LCOR: variants seen among roughly 807,000 people sequenced by gnomAD.
The protein encoded by LCOR is ligand dependent nuclear receptor corepressor.
A neutral mutation model predicts 64.4 loss-of-function variants in LCOR; 14 were observed. The observed-to-expected ratio is 0.22, with a 90% CI of 0.14 to 0.34. The LOEUF (loss-of-function observed/expected upper bound fraction) is 0.34. Among genes scored for constraint, LCOR ranks in the 10% least tolerant of loss-of-function variants. The pLI is 1.00. For synonymous variants in LCOR, 643 were observed against 642.5 expected, an observed-to-expected ratio of 1.00 and a Z score of -0.01; for missense variants, 1,686 against 1,765.3, an observed-to-expected ratio of 0.96 and a Z score of 0.80.
At chr10:96,869,992 A>G (rs1846044790) in intron 2 of LCOR, among the ~76,000 whole-genome samples, 1 of 152,200 alleles carries the variant, frequency 6.6e-6, no homozygotes, top group African/African-American at 2.4e-5. Flanking sequence ...GATGGGGCTC[A>G]TAGGCAGGGT....
chr10:96,868,771 T>C (rs1217369032), intron 2 of LCOR, among the ~76,000 whole-genome samples: 6 of 152,218 alleles, frequency 3.9e-5, no homozygotes, highest in Non-Finnish European at 8.8e-5. Context: ...TTATTGTCCA[T>C]CTCCTCCAAG....
chr10:96,943,388 C>CGT, intron 4 of LCOR, among the ~76,000 whole-genome samples: 1 of 152,340 alleles, frequency 6.6e-6, no homozygotes, highest in African/African-American at 2.4e-5. Context: ...TGAGCCACCT[C>CGT]GCCTGGTCAG....
intron 2 of LCOR, among the ~76,000 whole-genome samples, chr10:96,862,887 T>TC (rs1156532647): frequency 6.6e-6 from 1 of 151,820 alleles, no homozygotes; most frequent in Non-Finnish European, 1.5e-5. Context: ...TCTTTTCTTT[T>TC]TTTTTTTTTT....
intron 2 of LCOR, among the ~76,000 whole-genome samples, chr10:96,903,470 A>G (rs1047715234): frequency 2.6e-5 from 4 of 152,042 alleles, no homozygotes; most frequent in Admixed American, 2.6e-4. Context: ...TACAAGATCC[A>G]GGGGCCTTGA....
At chr10:96,942,249 G>A (rs1167378382) in intron 4 of LCOR, among the ~76,000 whole-genome samples, 66 of 150,736 alleles carry the variant, frequency 4.4e-4, no homozygotes, top group African/African-American at 1.5e-3. Context: ...AGACCAGCCC[G>A]GCCAACACAG....
chr10:96,900,111 T>C (rs1439750081), intron 2 of LCOR, among the ~76,000 whole-genome samples: 3 of 152,176 alleles, frequency 2.0e-5, no homozygotes, highest in African/African-American at 7.2e-5. Context: ...AGGAAACCAC[T>C]AATGTACTTT....
At chr10:96,867,684 C>T (rs1485866094) in intron 2 of LCOR, among the ~76,000 whole-genome samples, 1 of 151,886 alleles carries the variant, frequency 6.6e-6, no homozygotes, top group Non-Finnish European at 1.5e-5. Context: ...ATGACTTGAG[C>T]CCAGGAGTTC....
intron 2 of LCOR, among the ~76,000 whole-genome samples, chr10:96,866,896 G>GT (rs1376508464): frequency 3.3e-5 from 5 of 152,050 alleles, no homozygotes; most frequent in Admixed American, 2.6e-4. Flanking sequence ...CTTGAAAGAG[G>GT]TTGTGCCACC....
chr10:96,966,246 T>TTTTA (rs1847949530), intron 7 of LCOR, among the ~76,000 whole-genome samples: 1 of 138,456 alleles, frequency 7.2e-6, no homozygotes, highest in Non-Finnish European at 1.5e-5. Flanking sequence ...TTTTTTTTTT[T>TTTTA]GAGACGGAGT....
intron 2 of LCOR, among the ~76,000 whole-genome samples, chr10:96,838,887 T>C (rs1230177217): frequency 6.6e-6 from 1 of 152,246 alleles, no homozygotes; most frequent in Non-Finnish European, 1.5e-5. Context: ...TTTAATTTCG[T>C]AGGAACTGCC....
At chr10:96,874,553 A>C (rs1432921460) in intron 2 of LCOR, among the ~76,000 whole-genome samples, 1 of 152,182 alleles carries the variant, frequency 6.6e-6, no homozygotes, top group Non-Finnish European at 1.5e-5. Context: ...AACTCCTGGT[A>C]ATTCTGCAAA....
rs190645443 is a variant in LCOR, at chr10:96,992,149, A to G, written c.*7015A>G. On this transcript the variant is annotated 3_prime_UTR_variant, in exon 8 of 8. Coordinates refer to ENST00000421806, the MANE Select transcript of LCOR (RefSeq NM_001346516.2). ...GGTAGGGATTATTTTTAGAGTCACT[A>G]TAGCTTAAGGTTATTGATTTCACTA... The G allele has an allele frequency of 3.9e-5, 6 of 152,300 alleles. No individual in the cohort carries two copies. The East Asian group carries it at 7.7e-4, about 20-fold the overall frequency. 9.4% of individuals were successfully genotyped at this position (152,300 alleles called of 1,614,324 possible).
rs1287204644 is a variant in LCOR at position 96,991,182 on chromosome 10, AC to A, written c.*6049del. The A allele has an allele frequency of 6.6e-6, 1 of 152,242 alleles. No individual in the cohort carries two copies. Among genetic ancestry groups the A allele is most frequent in the East Asian group, 1.9e-4 (1 of 5,180 alleles). The allele number at this position is 152,242 out of a possible 1,614,324, so 9.4% of individuals were successfully genotyped here. Reference sequence around the variant, plus strand: ...CAACTTTTTTTTTTCATATGCTCCAACATTTTTTTCATACAGTCCAGCAATT... The same window carrying A: ...CAACTTTTTTTTTTCATATGCTCCAAATTTTTTTCATACAGTCCAGCAATT... On this transcript the variant is annotated 3_prime_UTR_variant, in exon 8 of 8. Transcript: ENST00000421806.
At chr10:96,896,803 C>G (rs117079803) in intron 2 of LCOR, among the ~76,000 whole-genome samples, 1,708 of 152,164 alleles carry the variant, frequency 0.011, 8 homozygotes, top group Non-Finnish European at 0.018. Flanking sequence ...TAGTATAAAG[C>G]TCCCGCAAGC....
chr10:96,861,590 G>C (rs918153321), intron 2 of LCOR, among the ~76,000 whole-genome samples: 10 of 151,852 alleles, frequency 6.6e-5, no homozygotes, highest in Admixed American at 1.3e-4. Context: ...CTGTCACCCA[G>C]GCTGGAGTTC....
At chr10:96,863,535 C>T (rs1165950800) in intron 2 of LCOR, among the ~76,000 whole-genome samples, 1 of 152,136 alleles carries the variant, frequency 6.6e-6, no homozygotes, top group Non-Finnish European at 1.5e-5. Context: ...TTTTCACATT[C>T]AGAATTCATT....
chr10:96,966,506 G>A (rs1847952842), intron 7 of LCOR, among the ~76,000 whole-genome samples: 1 of 152,090 alleles, frequency 6.6e-6, no homozygotes, highest in Admixed American at 6.5e-5. Flanking sequence ...AGGATTACAG[G>A]CGTGAGCCAC....
At position 96,995,594 on chromosome 10, in the gene LCOR, A is replaced by T. The variant is rs1848235825; in HGVS notation, c.*10460A>T. ...TTTGAGAGTGTATATATAAAATTTT[A>T]AAATATATTAAGTTGCTTTAAAACA... On this transcript the variant is annotated 3_prime_UTR_variant, in exon 8 of 8. Coordinates refer to ENST00000421806, the MANE Select transcript of LCOR (RefSeq NM_001346516.2). The surrounding 1 kb of genome is among the most constrained non-coding windows in gnomAD (Gnocchi z 4.2). The T allele has an allele frequency of 6.6e-6, 1 of 152,248 alleles. No individual in the cohort carries two copies. The highest frequency in any genetic ancestry group is 1.5e-5 in the Non-Finnish European group (1 of 68,042). The allele number at this position is 152,248 out of a possible 1,614,324, so 9.4% of individuals were successfully genotyped here. A position where few individuals can be genotyped will look rare whatever the true frequency, so the allele number is the denominator to read the frequency against.
intron 2 of LCOR, among the ~76,000 whole-genome samples, chr10:96,870,397 CACTAA>C (rs948326308): frequency 3.9e-5 from 6 of 152,136 alleles, no homozygotes; most frequent in Non-Finnish European, 4.4e-5. Flanking sequence ...AACAAAAAAA[CACTAA>C]ACTAAATTAC....
Sources: allele counts gnomAD v4.1 joint callset (sites outside exome capture counted in the v4.1 genomes callset), GRCh38; gene constraint gnomAD v4.1.1; non-coding constraint Gnocchi (gnomAD v3.1); transcripts MANE v1.5; gene names NCBI Gene and HGNC (gene_info 2026-07-23, HGNC 2026-07-21).